METAP1D: variants seen among roughly 807,000 people sequenced by gnomAD.
The protein encoded by METAP1D is methionyl aminopeptidase type 1D, mitochondrial.
METAP1D carries 31 observed loss-of-function variants against 40.5 expected under a neutral mutation model. The observed-to-expected ratio is 0.77, with a 90% confidence interval of 0.58 to 1.03. METAP1D has a LOEUF of 1.03. Among genes scored for constraint, METAP1D ranks in the 50% least tolerant of loss-of-function variants. METAP1D has a pLI of 0.00. For synonymous variants in METAP1D, 151 were observed against 146.4 expected (o/e 1.03, Z -0.22); for missense variants, 411 against 420.7 (o/e 0.98, Z 0.20).
At chr2:172,054,096 C>T (rs1392199777) in intron 1 of METAP1D, among the ~76,000 whole-genome samples, 2 of 152,094 alleles carry the variant, frequency 1.3e-5, no homozygotes, top group African/African-American at 4.8e-5. Flanking sequence ...AAACCCAGGG[C>T]TCAGTGGGTG....
intron 1 of METAP1D, among the ~76,000 whole-genome samples, chr2:172,028,542 C>CTGTGTGTGTGTGTGTG (rs10529698): frequency 7.1e-6 from 1 of 141,298 alleles, no homozygotes; most frequent in Non-Finnish European, 1.5e-5. Flanking sequence ...GTATGTGTGT[C>CTGTGTGTGTGTGTGTG]TGTGTGTGTG....
At chr2:172,042,166 CACATATACATATGTATGTGTACAT>C (rs1689550952) in intron 1 of METAP1D, among the ~76,000 whole-genome samples, 1 of 87,920 alleles carries the variant, frequency 1.1e-5, no homozygotes, top group African/African-American at 3.6e-5. Flanking sequence ...TACATGTGTA[CACATATACATATGTATGTGTACAT>C]GTGTACACAT....
At chr2:172,058,100 C>T (rs1336356049) in intron 1 of METAP1D, among the ~76,000 whole-genome samples, 2 of 152,046 alleles carry the variant, frequency 1.3e-5, no homozygotes, top group Non-Finnish European at 2.9e-5. Context: ...TGGACTGACT[C>T]CTGAGTAGCT....
At chr2:172,077,953 A>G (rs1574147948) in intron 7 of METAP1D, 59 bp downstream of exon 7, 1 of 927,264 alleles carries the variant, frequency 1.1e-6, no homozygotes, top group Non-Finnish European at 1.7e-6. Flanking sequence ...GGCAGCTTTG[A>G]CCCTGAAGCT....
At chr2:172,015,417 A>G (rs1335069212) in intron 1 of METAP1D, among the ~76,000 whole-genome samples, 1 of 152,194 alleles carries the variant, frequency 6.6e-6, no homozygotes, top group East Asian at 1.9e-4. Context: ...CTCAAAAAAA[A>G]GAAAGAAAAT....
intron 1 of METAP1D, among the ~76,000 whole-genome samples, chr2:172,045,813 G>GTATATATATATA (rs1343452255): frequency 2.5e-5 from 1 of 39,390 alleles, no homozygotes; most frequent in Non-Finnish European, 4.9e-5. Context: ...GTGTGTGTGT[G>GTATATATATATA]TGTGTGTATA....
intron 6 of METAP1D, 47 bp from the exon 7 acceptor site, chr2:172,077,750 G>A (rs1334242825): frequency 3.0e-6 from 3 of 990,840 alleles, no homozygotes; most frequent in Non-Finnish European, 4.5e-6. Context: ...TAGTATGCCT[G>A]AAAAACTTAT....
chr2:172,030,390 C>G (rs555485483), intron 1 of METAP1D, among the ~76,000 whole-genome samples: 3 of 152,092 alleles, frequency 2.0e-5, no homozygotes, highest in African/African-American at 7.2e-5. Context: ...CCACACCTGG[C>G]GTAAGCCTAC....
chr2:172,033,420 C>A (rs1689287194), intron 1 of METAP1D, among the ~76,000 whole-genome samples: 1 of 151,156 alleles, frequency 6.6e-6, no homozygotes, highest in African/African-American at 2.4e-5. Flanking sequence ...GTGGTGCGAT[C>A]TTGGCTCACT....
At chr2:172,067,117 C>G (rs1256451311) in intron 5 of METAP1D, among the ~76,000 whole-genome samples, 1 of 152,124 alleles carries the variant, frequency 6.6e-6, no homozygotes. Flanking sequence ...TGTAATGATA[C>G]CTTTGGATTA....
intron 1 of METAP1D, among the ~76,000 whole-genome samples, chr2:172,021,379 G>T (rs1041593169): frequency 1.3e-5 from 2 of 152,106 alleles, no homozygotes; most frequent in African/African-American, 2.4e-5. Flanking sequence ...TTAATCAAAT[G>T]GTCTAATGTT....
rs780655124 is a variant in METAP1D at position 172,061,544 on chromosome 2, C to T, written c.87C>T (p.His29=). 1.4e-5 allele frequency: 22 copies of T among 1,613,800 alleles called. No individual in the cohort carries two copies. The African/African-American group carries it at 2.1e-4, about 16-fold the overall frequency. The part of the protein sequence containing the change: ...FSSPLNHIYL[H]KQSSSQQRRN... ...CACCACTCAATCATATCTACTTACACAAGCAGTCAAGCAGTCAACAAAGAA... is the reference window on the plus strand; with the variant it reads ...CACCACTCAATCATATCTACTTACATAAGCAGTCAAGCAGTCAACAAAGAA... Residue 29 remains histidine (H), a synonymous_variant, in exon 2 of 10, where the codon CAC becomes CAT. Transcript: ENST00000315796.
intron 1 of METAP1D, among the ~76,000 whole-genome samples, chr2:172,001,835 G>A (rs1262685529): frequency 1.3e-5 from 2 of 151,992 alleles, no homozygotes; most frequent in East Asian, 1.9e-4. Context: ...GCTAATGCCT[G>A]TAATATTACC....
intron 1 of METAP1D, among the ~76,000 whole-genome samples, chr2:172,050,928 A>T (rs767077058): frequency 5.3e-5 from 8 of 152,192 alleles, no homozygotes; most frequent in Non-Finnish European, 1.0e-4. Context: ...GTAAGGATAC[A>T]ATATTTCTTT....
chr2:172,061,689 A>C, intron 2 of METAP1D, 34 bp downstream of exon 2: 1 of 1,535,032 alleles, frequency 6.5e-7, no homozygotes, highest in South Asian at 1.3e-5. Context: ...TGCTTTTTCC[A>C]GCCAAGATAA....
intron 1 of METAP1D, among the ~76,000 whole-genome samples, chr2:172,020,275 G>A (rs1265811567): frequency 2.0e-5 from 3 of 152,260 alleles, no homozygotes; most frequent in African/African-American, 7.2e-5. Context: ...GTGAGCCACC[G>A]CGCCCGGCCT....
chr2:172,071,578 T>C (rs1445620575), intron 6 of METAP1D, among the ~76,000 whole-genome samples: 1 of 152,232 alleles, frequency 6.6e-6, no homozygotes, highest in Non-Finnish European at 1.5e-5. Flanking sequence ...TCTGTTCTTT[T>C]TTTGTCTGGT....
chr2:172,069,775 A>G (rs769760474), intron 5 of METAP1D, among the ~76,000 whole-genome samples: 2 of 152,188 alleles, frequency 1.3e-5, no homozygotes, highest in Non-Finnish European at 1.5e-5. Flanking sequence ...ATCTACCTCT[A>G]TATTCTGCCA....
intron 2 of METAP1D, among the ~76,000 whole-genome samples, 193 bp from the exon 3 acceptor site, chr2:172,063,518 A>G (rs139441677): frequency 8.1e-4 from 124 of 152,338 alleles, no homozygotes; most frequent in Middle Eastern, 3.4e-3. Context: ...GGCAGCACTA[A>G]CAGGCAATGT....
Sources: gnomAD v4.1 joint callset for allele counts (sites outside exome capture counted in the v4.1 genomes callset) on GRCh38, gnomAD v4.1.1 for gene constraint, MANE v1.5 for transcripts, NCBI Gene and HGNC (gene_info 2026-07-23, HGNC 2026-07-21) for gene names.